Variants in ART4 observed in about 807,000 individuals in gnomAD.
The protein encoded by ART4 is ecto-ADP-ribosyltransferase 4.
ART4 carries 14 observed loss-of-function variants against 24.2 expected under a neutral mutation model. That is an observed-to-expected ratio of 0.58 (90% CI 0.38 to 0.90). The LOEUF (loss-of-function observed/expected upper bound fraction) is 0.90, where lower values mean the gene tolerates loss of function less well. Among genes scored for constraint, ART4 ranks in the 40% least tolerant of loss-of-function variants. The probability of loss-of-function intolerance (pLI) is 0.00; values close to 1 mark genes in which losing one functional copy is unlikely to be tolerated. For synonymous variants in ART4, 145 were observed against 139.9 expected, an observed-to-expected ratio of 1.04 and a Z score of -0.26; for missense variants, 356 against 366.6, an observed-to-expected ratio of 0.97 and a Z score of 0.24.
chr12:14,834,484 C>T (rs1481857378), intron 2 of ART4, among the ~76,000 whole-genome samples: 2 of 152,154 alleles, frequency 1.3e-5, no homozygotes, highest in African/African-American at 4.8e-5. Context: ...TAGAATCGTA[C>T]AGGTTTTTAA....
Position 14,841,544 on chromosome 12 carries a change from T to C in ART4, c.145-391A>G, listed in dbSNP as rs1347931758. Among the ~76,000 whole-genome samples the C allele has an allele frequency of 2.0e-5, 3 of 152,214 alleles. No homozygotes were observed. In the East Asian group the frequency reaches 5.8e-4, roughly 29 times the overall value. On this transcript the variant is annotated intron_variant, in intron 1 of 2. Coordinates refer to ENST00000228936, the MANE Select transcript of ART4 (RefSeq NM_021071.4). ...TCTCTCACTGGTGTTTTCAAAAATA[T>C]CACTTTTATGAATGCCCAAAACCAA...
intron 2 of ART4, among the ~76,000 whole-genome samples, chr12:14,837,027 A>G (rs1414008840): frequency 1.3e-5 from 2 of 151,962 alleles, no homozygotes; most frequent in Non-Finnish European, 2.9e-5. Flanking sequence ...AAACACTGCA[A>G]TACCGAGACA....
chr12:14,830,792 CA>C (rs1380463201), intron 2 of ART4, among the ~76,000 whole-genome samples: 1 of 147,512 alleles, frequency 6.8e-6, no homozygotes. Context: ...CAATTTTCAC[CA>C]ATAAGAGTTG....
chr12:14,829,503 G>GT (rs768450160), intron 2 of ART4, 41 bp from the exon 3 acceptor site: 129 of 1,483,286 alleles, frequency 8.7e-5, no homozygotes, highest in Admixed American at 1.3e-4. Flanking sequence ...AGGTAGCAGA[G>GT]TTTTTTTTAA....
Position 14,843,389 on chromosome 12 carries a change from A to G in ART4, c.-276T>C. 1 of 320,140 alleles carries G rather than the reference A, an allele frequency of 3.1e-6. No homozygotes were observed. The highest frequency in any genetic ancestry group is 2.1e-5 in the African/African-American group (1 of 46,770). 19.8% of individuals were successfully genotyped at this position (320,140 alleles called of 1,614,324 possible). A position where few individuals can be genotyped will look rare whatever the true frequency, so the allele number is the denominator to read the frequency against. On this transcript the variant is annotated 5_prime_UTR_variant, in exon 1 of 3. Transcript: ENST00000228936. ...AGAACCCAAGTTACTTTTCAATTAA[A>G]AAAATAAAATCTCTGATCTAGTCTG...
intron 2 of ART4, among the ~76,000 whole-genome samples, chr12:14,836,864 T>A (rs894084839): frequency 1.3e-5 from 2 of 152,172 alleles, no homozygotes; most frequent in African/African-American, 4.8e-5. Flanking sequence ...ATCTCTTCCC[T>A]CTTCACTTCA....
Position 14,830,536 on chromosome 12 carries a change from A to AATGTGTGT in ART4, c.854-1075_854-1074insACACACAT, listed in dbSNP as rs761909320. Among the ~76,000 whole-genome samples the AATGTGTGT allele has an allele frequency of 1.7e-3, 213 of 124,194 alleles. 7 individuals are homozygous for AATGTGTGT. The highest frequency in any genetic ancestry group is 5.6e-3 in the African/African-American group (187 of 33,480). 81.5% of individuals were successfully genotyped at this position (124,194 alleles called of 152,430 possible). On this transcript the variant is annotated intron_variant, in intron 2 of 2. Coordinates refer to ENST00000228936, the MANE Select transcript of ART4 (RefSeq NM_021071.4). ...TAGTTTTTTGGAATTTCTATATAGG[A>AATGTGTGT]GTGTGTGTGTGTGTGTGTGTGTGTG...
intron 2 of ART4, among the ~76,000 whole-genome samples, chr12:14,835,011 G>A (rs146269585): frequency 6.6e-6 from 1 of 152,266 alleles, no homozygotes; most frequent in African/African-American, 2.4e-5. Flanking sequence ...TAAATATACT[G>A]TCTCTTCTTT....
At chr12:14,841,524 C>A (rs1005516293) in intron 1 of ART4, among the ~76,000 whole-genome samples, 1 of 152,182 alleles carries the variant, frequency 6.6e-6, no homozygotes. Flanking sequence ...TCTAGTCTCT[C>A]ACTGGTGTTT....
In ART4 at chr12:14,840,615, A is replaced by G. The variant is rs546938822; in HGVS notation, c.683T>C (p.Ile228Thr). The G allele has an allele frequency of 5.6e-6, 9 of 1,614,144 alleles. No individual in the cohort carries two copies. The highest frequency in any genetic ancestry group is 3.3e-5 in the Admixed American group (2 of 60,016). ...TACAGGTGCACCCAGGCAGGTGAATATGGTAAATAGTGTCTGGTTCCCAAA... is the reference window on the plus strand; with the variant it reads ...TACAGGTGCACCCAGGCAGGTGAATGTGGTAAATAGTGTCTGGTTCCCAAA... ...QEFGNQTLFTIFTCLGAPVQY... is the reference protein window; with the variant it reads ...QEFGNQTLFTTFTCLGAPVQY... Residue 228 changes from isoleucine (I) to threonine (T), a missense_variant, in exon 2 of 3, where the codon ATA becomes ACA. Ile to Thr is a moderately conservative substitution (Grantham distance 89). Transcript: ENST00000228936.
rs201613255 is a variant in ART4 at position 14,840,843 on chromosome 12, C to T, written c.455G>A (p.Arg152His). 32 of 1,614,108 alleles carry T rather than the reference C, an allele frequency of 2.0e-5. No homozygotes were observed. Among genetic ancestry groups the T allele is most frequent in the Admixed American group, 5.0e-5 (3 of 60,028 alleles). ...SVARTPQQYE[R>H]SFHFKYLHYY... is the part of the protein sequence containing the mutation. ...GTGTAAATATTTGAAGTGGAATGAA[C>T]GTTCATACTGCTGTGGAGTCCTGGC... is the stretch of plus-strand genomic sequence containing the variant. The change falls in exon 2 of 3, where the codon CGT becomes CAT. Residue 152 changes from arginine to histidine, a missense_variant. By Grantham distance (29) the Arg-to-His change is conservative. Coordinates refer to ENST00000228936, the MANE Select transcript of ART4 (RefSeq NM_021071.4).
intron 2 of ART4, among the ~76,000 whole-genome samples, chr12:14,834,587 T>G (rs950389430): frequency 2.0e-5 from 3 of 152,210 alleles, no homozygotes; most frequent in Non-Finnish European, 4.4e-5. Flanking sequence ...TGTGAAACAT[T>G]TTAACAAATA....
intron 2 of ART4, among the ~76,000 whole-genome samples, chr12:14,831,377 C>T (rs1405072830): frequency 6.6e-6 from 1 of 151,616 alleles, no homozygotes; most frequent in Non-Finnish European, 1.5e-5. Flanking sequence ...TCTTCCACCT[C>T]AGCCTCCCAA....
In ART4 at chr12:14,840,827, T is replaced by C. The variant is rs1863033533; in HGVS notation, c.471A>G (p.Lys157=). Residue 157 remains lysine, a synonymous_variant, in exon 2 of 3, where the codon AAA becomes AAG. Coordinates refer to ENST00000228936, the MANE Select transcript of ART4 (RefSeq NM_021071.4). The stretch of plus-strand genomic sequence containing the variant: ...CTGAGGTGAGGTAGTAGTGTAAATA[T>C]TTGAAGTGGAATGAACGTTCATACT... ...PQQYERSFHF[K]YLHYYLTSAI... is the part of the protein sequence containing the mutation. 2 of 1,614,200 alleles carry C rather than the reference T, an allele frequency of 1.2e-6. No homozygotes were observed. Among genetic ancestry groups the C allele is most frequent in the East Asian group, 2.2e-5 (1 of 44,876 alleles).
At position 14,836,154 on chromosome 12, in the gene ART4, A is replaced by G. The variant is rs573949136; in HGVS notation, c.853+4291T>C. ...CATGAATTTCTTTTTCCTTCTTCAC[A>G]ATTCCACAGGTAGAAGATTCATTTT... On this transcript the variant is annotated intron_variant, in intron 2 of 2. Coordinates refer to ENST00000228936, the MANE Select transcript of ART4 (RefSeq NM_021071.4). Among the ~76,000 whole-genome samples, 5 of 152,272 alleles carry G rather than the reference A, an allele frequency of 3.3e-5. No homozygotes were observed. The South Asian group carries it at 1.0e-3, about 32-fold the overall frequency.
chr12:14,842,470 A>T (rs1372297538), intron 1 of ART4, among the ~76,000 whole-genome samples: 1 of 152,242 alleles, frequency 6.6e-6, no homozygotes, highest in Non-Finnish European at 1.5e-5. Context: ...ATTTAAGCCA[A>T]GCCGAGCCAA....
rs199781690 is a variant in ART4 at position 14,829,445 on chromosome 12, T to G, written c.871A>C (p.Ile291Leu). ...QLLKASSKKC[I>L]PDPIAIASLS... Reference sequence around the variant, plus strand: ...GATGCAATAGCTATAGGATCAGGGATGCATTTCTTGCTGGAAGCTGTAAAA... The same window carrying G: ...GATGCAATAGCTATAGGATCAGGGAGGCATTTCTTGCTGGAAGCTGTAAAA... The change falls in exon 3 of 3, where the codon ATC (isoleucine) becomes CTC (leucine). Residue 291 changes from isoleucine to leucine, a missense_variant. By Grantham distance (5) the Ile-to-Leu change is conservative. Transcript: ENST00000228936. The G allele has an allele frequency of 3.7e-5, 60 of 1,607,090 alleles. No individual in the cohort carries two copies. The highest frequency in any genetic ancestry group is 4.8e-5 in the Non-Finnish European group (57 of 1,178,138).
At chr12:14,842,675 G>C (rs1041998900) in intron 1 of ART4, among the ~76,000 whole-genome samples, 5 of 151,950 alleles carry the variant, frequency 3.3e-5, no homozygotes, top group African/African-American at 1.2e-4. Flanking sequence ...AAATAGACTT[G>C]GTTTATTTTG....
chr12:14,843,034 A>C lies in ART4; in HGVS notation c.80T>G (p.Leu27Arg). The C allele has an allele frequency of 6.2e-7, 1 of 1,614,090 alleles. No homozygotes were observed. Among genetic ancestry groups the C allele is most frequent in the Non-Finnish European group, 8.5e-7 (1 of 1,179,984 alleles). Residue 27 changes from leucine (L) to arginine (R), a missense_variant, in exon 1 of 3, where the codon CTT becomes CGT. Leu to Arg is a moderately radical substitution (Grantham distance 102, BLOSUM62 -2). Transcript: ENST00000228936. ...VPPATMRIWLLGGLLPFLLLL... is the reference protein window; with the variant it reads ...VPPATMRIWLRGGLLPFLLLL... The stretch of plus-strand genomic sequence containing the variant: ...CAGCAGGAATGGCAGCAGGCCTCCA[A>C]GGAGCCAGATTCTCATCGTTGCAGG...
Sources: gnomAD v4.1 joint callset for allele counts (sites outside exome capture counted in the v4.1 genomes callset) on GRCh38, gnomAD v4.1.1 for gene constraint, MANE v1.5 for transcripts, NCBI Gene and HGNC (gene_info 2026-07-23, HGNC 2026-07-21) for gene names.